Variants in MSRA observed in about 807,000 individuals in gnomAD.
MSRA encodes the protein mitochondrial peptide methionine sulfoxide reductase.
A neutral mutation model predicts 31.3 loss-of-function variants in MSRA; 54 were observed. The ratio of observed to expected loss-of-function variants is 1.73; its 90% confidence interval spans 1.39 to 2.17. The LOEUF (loss-of-function observed/expected upper bound fraction) is 2.17. Among genes scored for constraint, MSRA ranks in the 30% most tolerant of loss-of-function variants. MSRA has a pLI of 0.00. For synonymous variants in MSRA, 169 were observed against 116.5 expected (o/e 1.45, Z -2.90); for missense variants, 507 against 300.9 (o/e 1.69, Z -5.07).
At chr8:10,144,270 T>C (rs4841284) in intron 1 of MSRA, among the ~76,000 whole-genome samples, 134,305 of 152,166 alleles carry the variant, frequency 0.88, 59,389 homozygotes, top group East Asian at 0.96. Flanking sequence ...TGTTAAGCCA[T>C]GCTTGTTAAT....
chr8:10,236,680 G>A (rs1013651231), intron 2 of MSRA, among the ~76,000 whole-genome samples: 2 of 152,110 alleles, frequency 1.3e-5, no homozygotes, highest in Non-Finnish European at 2.9e-5. Flanking sequence ...GAGTAGCTGG[G>A]ACTACAGGTG....
At chr8:10,169,124 T>C (rs149213320) in intron 1 of MSRA, among the ~76,000 whole-genome samples, 1 of 152,330 alleles carries the variant, frequency 6.6e-6, no homozygotes, top group African/African-American at 2.4e-5. Flanking sequence ...GAAAACCTTC[T>C]AGGACATCAG....
intron 1 of MSRA, among the ~76,000 whole-genome samples, chr8:10,078,480 C>A (rs1293337494): frequency 1.3e-5 from 2 of 152,232 alleles, no homozygotes. Flanking sequence ...TGGGACTCTG[C>A]CCTCAGGCAC....
chr8:10,068,344 A>C (rs1374055874), intron 1 of MSRA, among the ~76,000 whole-genome samples: 1 of 152,152 alleles, frequency 6.6e-6, no homozygotes, highest in Non-Finnish European at 1.5e-5. Context: ...CTTGTGGACC[A>C]TTTCTTTCAT....
At chr8:10,255,339 C>T (rs1169456886) in intron 3 of MSRA, among the ~76,000 whole-genome samples, 1 of 152,206 alleles carries the variant, frequency 6.6e-6, no homozygotes, top group Non-Finnish European at 1.5e-5. Flanking sequence ...GAGGTGCACC[C>T]TGGCGGGCCA....
intron 5 of MSRA, among the ~76,000 whole-genome samples, chr8:10,347,537 A>G (rs1198586583): frequency 6.6e-6 from 1 of 151,352 alleles, no homozygotes; most frequent in Non-Finnish European, 1.5e-5. Context: ...TTTTATTCCC[A>G]CCTCAGCCTT....
chr8:10,064,910 G>A (rs759287853), intron 1 of MSRA, among the ~76,000 whole-genome samples: 6 of 152,128 alleles, frequency 3.9e-5, no homozygotes, highest in African/African-American at 1.2e-4. Flanking sequence ...AGCTTTCCAC[G>A]TGGGGAAAAT....
At chr8:10,159,480 T>C (rs562956596) in intron 1 of MSRA, among the ~76,000 whole-genome samples, 2 of 152,354 alleles carry the variant, frequency 1.3e-5, no homozygotes, top group South Asian at 4.1e-4. Context: ...AGCTTACCTC[T>C]TACTTCTGGA....
intron 1 of MSRA, among the ~76,000 whole-genome samples, chr8:10,120,345 T>A (rs530248030): frequency 1.6e-4 from 24 of 152,108 alleles, no homozygotes; most frequent in African/African-American, 5.8e-4. Context: ...CAAGAGTGCT[T>A]TTTCTGTTAT....
At chr8:10,301,954 C>T (rs1052149281) in intron 4 of MSRA, among the ~76,000 whole-genome samples, 2 of 152,184 alleles carry the variant, frequency 1.3e-5, no homozygotes, top group African/African-American at 4.8e-5. Flanking sequence ...AGTCTTTTGT[C>T]TACAAAATTA....
chr8:10,350,839 C>T (rs1585554017), intron 5 of MSRA, among the ~76,000 whole-genome samples: 1 of 152,228 alleles, frequency 6.6e-6, no homozygotes, highest in African/African-American at 2.4e-5. Flanking sequence ...TTCCCAGGGT[C>T]GCTTCAGGCT....
chr8:10,252,750 C>T (rs149420730), intron 3 of MSRA, among the ~76,000 whole-genome samples: 25 of 152,272 alleles, frequency 1.6e-4, no homozygotes, highest in Non-Finnish European at 2.2e-4. Context: ...TAAGCTGGTA[C>T]GCACCTGCTC....
At chr8:10,270,869 G>T (rs559862218) in intron 3 of MSRA, among the ~76,000 whole-genome samples, 1 of 152,294 alleles carries the variant, frequency 6.6e-6, no homozygotes, top group East Asian at 1.9e-4. Flanking sequence ...GTGCTGCAGG[G>T]GAGAGGCACC....
intron 5 of MSRA, among the ~76,000 whole-genome samples, chr8:10,401,244 G>A (rs948815380): frequency 6.6e-6 from 1 of 152,122 alleles, no homozygotes; most frequent in Non-Finnish European, 1.5e-5. Context: ...AATGGGCAAG[G>A]GACTTTGAAT....
chr8:10,386,273 G>A (rs776221800), intron 5 of MSRA, among the ~76,000 whole-genome samples: 6 of 152,154 alleles, frequency 3.9e-5, no homozygotes, highest in African/African-American at 9.7e-5. Context: ...TGGAATCTAG[G>A]TCTGATTCCA....
chr8:10,361,461 T>G (rs1001882317), intron 5 of MSRA, among the ~76,000 whole-genome samples: 1 of 152,164 alleles, frequency 6.6e-6, no homozygotes, highest in African/African-American at 2.4e-5. Context: ...GGGCAAAATT[T>G]TGAAATAGGT....
In MSRA at chr8:10,176,283, A is replaced by G. The variant is rs1277201346; in HGVS notation, c.143-31550A>G. 1.6e-4 allele frequency among the ~76,000 whole-genome samples: 25 copies of G among 152,166 alleles called. No homozygotes were observed. In the Admixed American group the frequency reaches 1.6e-3, roughly 10 times the overall value. ...CAAATCTGTCCTTTTTAAAATCAGA[A>G]GCATTTGTTCATCTCAAATCAAGCC... On this transcript the variant is annotated intron_variant, in intron 1 of 5. Coordinates refer to ENST00000317173, the MANE Select transcript of MSRA (RefSeq NM_012331.5).
chr8:10,158,804 C>G (rs1421112702), intron 1 of MSRA, among the ~76,000 whole-genome samples: 1 of 152,156 alleles, frequency 6.6e-6, no homozygotes, highest in East Asian at 1.9e-4. Context: ...TGAGGAACTT[C>G]CACACTGTTT....
chr8:10,146,999 G>C (rs567646664), intron 1 of MSRA, among the ~76,000 whole-genome samples: 1 of 152,360 alleles, frequency 6.6e-6, no homozygotes, highest in Non-Finnish European at 1.5e-5. Flanking sequence ...TGGGACGCCA[G>C]CTGGGGCCTT....
Sources: gnomAD v4.1 joint callset for allele counts (sites outside exome capture counted in the v4.1 genomes callset) on GRCh38, gnomAD v4.1.1 for gene constraint, MANE v1.5 for transcripts, NCBI Gene and HGNC (gene_info 2026-07-23, HGNC 2026-07-21) for gene names.